Variants in OCIAD2 observed in about 807,000 individuals in gnomAD.
OCIAD2 encodes OCIA domain containing 2, also known as OCIA domain-containing protein 2.
Under a neutral mutation model 22.9 loss-of-function variants are expected in OCIAD2, and 29 were observed. The observed-to-expected ratio is 1.27, with a 90% CI of 0.94 to 1.73. The LOEUF (loss-of-function observed/expected upper bound fraction) is 1.73. Ranked by LOEUF, OCIAD2 falls within the 40% of genes most tolerant of loss-of-function variation. OCIAD2 has a pLI of 0.00. For missense variants in OCIAD2, 189 were observed against 180.3 expected (o/e 1.05, Z -0.28); for synonymous variants, 67 against 60.2 (o/e 1.11, Z -0.52).
intron 3 of OCIAD2, 49 bp downstream of exon 3, chr4:48,899,780 T>C (rs1279872399): frequency 2.4e-6 from 3 of 1,274,966 alleles, no homozygotes; most frequent in Admixed American, 1.8e-5. Flanking sequence ...AATTCTAATA[T>C]GATATTTAGG....
intron 2 of OCIAD2, among the ~76,000 whole-genome samples, chr4:48,901,181 T>G (rs1781406906): frequency 6.6e-6 from 1 of 152,088 alleles, no homozygotes; most frequent in Admixed American, 6.6e-5. Context: ...AGCTCTATGC[T>G]TTTAAGATCC....
At chr4:48,900,271 T>G (rs543609689) in intron 2 of OCIAD2, among the ~76,000 whole-genome samples, 84 of 152,282 alleles carry the variant, frequency 5.5e-4, no homozygotes, top group African/African-American at 1.9e-3. Flanking sequence ...TAGAATGCTG[T>G]TCACTCCCTT....
At chr4:48,889,901 A>G (rs112244812) in intron 6 of OCIAD2, among the ~76,000 whole-genome samples, 17 of 152,352 alleles carry the variant, frequency 1.1e-4, no homozygotes, top group Admixed American at 3.9e-4. Flanking sequence ...TGTGGCACAT[A>G]TACACCTTGG....
intron 6 of OCIAD2, among the ~76,000 whole-genome samples, chr4:48,892,243 A>G (rs1781194484): frequency 6.6e-6 from 1 of 152,194 alleles, no homozygotes; most frequent in Non-Finnish European, 1.5e-5. Context: ...CTTGATCACT[A>G]TTTTATACAG....
intron 1 of OCIAD2, among the ~76,000 whole-genome samples, 174 bp from the exon 2 acceptor site, chr4:48,904,785 C>G (rs1281550620): frequency 3.3e-5 from 5 of 152,192 alleles, no homozygotes; most frequent in Non-Finnish European, 5.9e-5. Context: ...TACATGCACT[C>G]ACTAATGGGG....
intron 2 of OCIAD2, among the ~76,000 whole-genome samples, chr4:48,902,532 C>T (rs1336643837): frequency 1.3e-5 from 2 of 152,212 alleles, no homozygotes; most frequent in Non-Finnish European, 2.9e-5. Flanking sequence ...TCTCAGTCTC[C>T]ACTTACCTTC....
intron 2 of OCIAD2, among the ~76,000 whole-genome samples, chr4:48,904,127 T>C (rs1440263666): frequency 6.6e-6 from 1 of 152,076 alleles, no homozygotes; most frequent in Non-Finnish European, 1.5e-5. Flanking sequence ...TCCTATGATA[T>C]ATATTTTTTC....
intron 2 of OCIAD2, among the ~76,000 whole-genome samples, chr4:48,903,714 C>T (rs1217332053): frequency 2.0e-5 from 3 of 147,488 alleles, no homozygotes; most frequent in Non-Finnish European, 3.0e-5. Flanking sequence ...GGCCTGATCT[C>T]GGCTCACTGC....
intron 6 of OCIAD2, among the ~76,000 whole-genome samples, chr4:48,886,607 T>TG (rs1415565859): frequency 2.0e-5 from 3 of 151,942 alleles, no homozygotes; most frequent in Non-Finnish European, 4.4e-5. Flanking sequence ...TTCTTGTCCT[T>TG]GCAATAGCTT....
chr4:48,888,823 C>T (rs528632178), intron 6 of OCIAD2, among the ~76,000 whole-genome samples: 4 of 152,226 alleles, frequency 2.6e-5, no homozygotes, highest in South Asian at 4.1e-4. Context: ...CTGTGCCAGG[C>T]TTTGGTATCA....
chr4:48,890,498 C>G (rs1781138422), intron 6 of OCIAD2, among the ~76,000 whole-genome samples: 1 of 152,116 alleles, frequency 6.6e-6, no homozygotes, highest in African/African-American at 2.4e-5. Flanking sequence ...GATTTGGACA[C>G]ATATGTGCAC....
At chr4:48,887,990 T>C (rs1454504025) in intron 6 of OCIAD2, among the ~76,000 whole-genome samples, 3 of 152,212 alleles carry the variant, frequency 2.0e-5, no homozygotes, top group Non-Finnish European at 4.4e-5. Flanking sequence ...TTCTTCCATT[T>C]GTTTGTATCC....
intron 4 of OCIAD2, among the ~76,000 whole-genome samples, chr4:48,894,684 A>G (rs1781262827): frequency 6.6e-6 from 1 of 152,192 alleles, no homozygotes; most frequent in Non-Finnish European, 1.5e-5. Context: ...ATTAGTCATC[A>G]TCCTCTTTTT....
chr4:48,893,068 C>T (rs1781218658), intron 5 of OCIAD2, 179 bp from the exon 6 acceptor site: 2 of 460,784 alleles, frequency 4.3e-6, no homozygotes, highest in South Asian at 6.9e-5. Context: ...GGAGACTTCC[C>T]CATCTCAACT....
chr4:48,895,167 C>T (rs545575132), intron 4 of OCIAD2, among the ~76,000 whole-genome samples: 41 of 152,204 alleles, frequency 2.7e-4, no homozygotes, highest in African/African-American at 9.2e-4. Flanking sequence ...ACAGCTGGGG[C>T]GACGCCTTGA....
At chr4:48,887,310 T>C (rs1321768088) in intron 6 of OCIAD2, among the ~76,000 whole-genome samples, 3 of 152,242 alleles carry the variant, frequency 2.0e-5, no homozygotes, top group Non-Finnish European at 1.5e-5. Context: ...TGATGGTAGT[T>C]TCTTTTGCTG....
At chr4:48,897,998 C>T (rs1781337167) in intron 3 of OCIAD2, 141 bp from the exon 4 acceptor site, 2 of 654,628 alleles carry the variant, frequency 3.1e-6, no homozygotes, top group Non-Finnish European at 2.7e-6. Context: ...ACTTATTCAA[C>T]AAATATTTAT....
At chr4:48,903,435 G>A (rs1781460779) in intron 2 of OCIAD2, among the ~76,000 whole-genome samples, 1 of 152,012 alleles carries the variant, frequency 6.6e-6, no homozygotes, top group Admixed American at 6.5e-5. Context: ...TCAGGAGTTT[G>A]AGACCAGCCT....
chr4:48,891,467 C>G (rs565724626), intron 6 of OCIAD2, among the ~76,000 whole-genome samples: 1 of 152,246 alleles, frequency 6.6e-6, no homozygotes, highest in Admixed American at 6.5e-5. Context: ...AAAATGAAAC[C>G]CCAGAACACA....
Sources: allele counts gnomAD v4.1 joint callset (sites outside exome capture counted in the v4.1 genomes callset), GRCh38; gene constraint gnomAD v4.1.1; transcripts MANE v1.5; gene names NCBI Gene and HGNC (gene_info 2026-07-23, HGNC 2026-07-21).